Variants in PHTF2 observed in about 807,000 individuals in gnomAD.
PHTF2 encodes the protein putative homeodomain transcription factor 2.
A neutral mutation model predicts 101.2 loss-of-function variants in PHTF2; 60 were observed. The observed-to-expected ratio is 0.59, with a 90% CI of 0.48 to 0.73. The LOEUF is 0.73. Ranked by LOEUF, PHTF2 falls within the 30% of genes least tolerant of loss-of-function variation. The pLI is 0.00. For synonymous variants in PHTF2, 311 were observed against 307.3 expected (o/e 1.01, Z -0.13); for missense variants, 747 against 908.7 (o/e 0.82, Z 2.29).
intron 3 of PHTF2, among the ~76,000 whole-genome samples, chr7:77,856,648 ATGGG>A (rs952117917): frequency 6.6e-6 from 1 of 152,148 alleles, no homozygotes; most frequent in African/African-American, 2.4e-5. Context: ...TTTTTTAAAA[ATGGG>A]TGGTTTTGTT....
At chr7:77,806,848 TCTA>T (rs1434354296) in intron 1 of PHTF2, among the ~76,000 whole-genome samples, 4 of 152,142 alleles carry the variant, frequency 2.6e-5, no homozygotes, top group Admixed American at 6.5e-5. Flanking sequence ...ATCATCACAG[TCTA>T]CTTTTGAGTA....
intron 12 of PHTF2, among the ~76,000 whole-genome samples, chr7:77,936,402 C>T (rs1805131930): frequency 6.6e-6 from 1 of 152,124 alleles, no homozygotes; most frequent in Admixed American, 6.5e-5. Context: ...AGTGGCCAGA[C>T]ACCGTGGCTC....
In PHTF2 at chr7:77,954,624, A is replaced by G. The variant is rs867746830; in HGVS notation, c.2338-234A>G. Among the ~76,000 whole-genome samples the G allele has an allele frequency of 1.5e-3, 209 of 141,876 alleles. 1 individual carries two copies. The East Asian group carries it at 0.029, about 20-fold the overall frequency. The allele number at this position is 141,876 out of a possible 152,430, so 93.1% of individuals were successfully genotyped here. ...AAACAAGTACTGTGTATATATATAT[A>G]TATATATATATATATATATATAGCC... is the stretch of plus-strand genomic sequence containing the variant. On this transcript the variant is annotated intron_variant, in intron 19 of 19. Transcript: ENST00000416283.
At chr7:77,877,070 T>A (rs1584563955) in intron 3 of PHTF2, among the ~76,000 whole-genome samples, 1 of 152,214 alleles carries the variant, frequency 6.6e-6, no homozygotes, top group East Asian at 1.9e-4. Context: ...ATATTTGAAT[T>A]ATTTTCCCAT....
intron 12 of PHTF2, 123 bp from the exon 12 acceptor site, chr7:77,937,587 A>G (rs1202646889): frequency 5.7e-6 from 2 of 352,944 alleles, no homozygotes; most frequent in Admixed American, 9.3e-5. Flanking sequence ...ATATTCACCA[A>G]TTTTTATTTT....
intron 12 of PHTF2, among the ~76,000 whole-genome samples, chr7:77,931,628 C>A (rs913176205): frequency 6.6e-6 from 1 of 152,142 alleles, no homozygotes; most frequent in Non-Finnish European, 1.5e-5. Flanking sequence ...TTTGTTTGTA[C>A]AGCTACTTTG....
intron 2 of PHTF2, among the ~76,000 whole-genome samples, chr7:77,841,476 A>AT: frequency 6.6e-6 from 1 of 152,108 alleles, no homozygotes; most frequent in South Asian, 2.1e-4. Flanking sequence ...TTTTAAAAAT[A>AT]TTTTTTGAGA....
chr7:77,925,582 T>C (rs1482301064), intron 11 of PHTF2, among the ~76,000 whole-genome samples: 1 of 131,150 alleles, frequency 7.6e-6, no homozygotes, highest in African/African-American at 2.8e-5. Context: ...CCATCTCGGC[T>C]CACTGCAACC....
chr7:77,838,430 T>A (rs999180222), intron 1 of PHTF2, among the ~76,000 whole-genome samples: 22 of 152,214 alleles, frequency 1.4e-4, no homozygotes, highest in African/African-American at 5.1e-4. Context: ...ATTTTCAATG[T>A]GAACAAAAAC....
chr7:77,940,408 A>ATT, intron 14 of PHTF2, 106 bp downstream of exon 13: 1 of 1,273,920 alleles, frequency 7.8e-7, no homozygotes, highest in Non-Finnish European at 1.1e-6. Flanking sequence ...TTACCTAATT[A>ATT]TTTTTTATTT....
intron 3 of PHTF2, among the ~76,000 whole-genome samples, chr7:77,892,947 C>T (rs1321303910): frequency 1.3e-5 from 2 of 152,082 alleles, no homozygotes; most frequent in African/African-American, 2.4e-5. Flanking sequence ...TAGTACTTGT[C>T]TTCTTTAAAA....
intron 3 of PHTF2, among the ~76,000 whole-genome samples, chr7:77,875,761 G>T (rs764726507): frequency 1.3e-5 from 2 of 152,114 alleles, no homozygotes; most frequent in East Asian, 1.9e-4. Flanking sequence ...GTTTCAGTGC[G>T]TTAGCCGGGA....
At chr7:77,919,284 G>T (rs905128401) in intron 9 of PHTF2, among the ~76,000 whole-genome samples, 1 of 152,118 alleles carries the variant, frequency 6.6e-6, no homozygotes, top group African/African-American at 2.4e-5. Flanking sequence ...CTAATGTGGG[G>T]TTTTTTGGTA....
At chr7:77,831,889 C>T (rs187645515) in intron 1 of PHTF2, among the ~76,000 whole-genome samples, 129 of 152,272 alleles carry the variant, frequency 8.5e-4, no homozygotes, top group Admixed American at 1.9e-3. Context: ...CATTAAAGTA[C>T]GTGCCCTTAG....
At chr7:77,825,632 A>G (rs1240995282) in intron 1 of PHTF2, among the ~76,000 whole-genome samples, 2 of 152,226 alleles carry the variant, frequency 1.3e-5, no homozygotes, top group Non-Finnish European at 2.9e-5. Flanking sequence ...TGGATTATAG[A>G]AAAGTAGATT....
chr7:77,949,530 C>A, intron 16 of PHTF2, 148 bp from the exon 16 acceptor site: 1 of 558,786 alleles, frequency 1.8e-6, no homozygotes, highest in East Asian at 3.0e-5. Flanking sequence ...ATACTCTATA[C>A]TTTTGATATG....
At chr7:77,827,758 G>T (rs1794793602) in intron 1 of PHTF2, among the ~76,000 whole-genome samples, 1 of 152,008 alleles carries the variant, frequency 6.6e-6, no homozygotes, top group African/African-American at 2.4e-5. Context: ...TCCTGCCTCA[G>T]GATCCCAAGT....
At position 77,859,564 on chromosome 7, in the gene PHTF2, CTT is replaced by C. The variant is rs34014317; in HGVS notation, c.147+4746_147+4747del. The stretch of plus-strand genomic sequence containing the variant: ...TGAGAATTTCTTTTCTTTCTTTCTT[CTT>C]TTTTTTTTTTTTTTTGAAGCAGGGT... On this transcript the variant is annotated intron_variant, in intron 3 of 19. Transcript: ENST00000416283. 2.2e-3 allele frequency among the ~76,000 whole-genome samples: 295 copies of C among 131,566 alleles called. 2 individuals are homozygous for C. The highest frequency in any genetic ancestry group is 7.8e-3 in the Middle Eastern group (2 of 258). 86.3% of individuals were successfully genotyped at this position (131,566 alleles called of 152,430 possible).
chr7:77,908,836 C>G, exon 8 of PHTF2: 2 of 1,610,640 alleles, frequency 1.2e-6, no homozygotes, highest in Non-Finnish European at 1.7e-6. Flanking sequence ...GCCCACACAG[C>G]ATACCTCTGA....
Sources: allele counts gnomAD v4.1 joint callset (sites outside exome capture counted in the v4.1 genomes callset), GRCh38; gene constraint gnomAD v4.1.1; transcripts MANE v1.5; gene names NCBI Gene and HGNC (gene_info 2026-07-23, HGNC 2026-07-21).